The following C12orf42 variants were observed in gnomAD, a reference collection of about 807,000 sequenced individuals.
The protein encoded by C12orf42 is chromosome 12 open reading frame 42.
In C12orf42, 25 loss-of-function variants were observed where a neutral mutation model predicts 21.6. The ratio of observed to expected loss-of-function variants is 1.16; its 90% CI spans 0.84 to 1.62. The LOEUF is 1.62. Among genes scored for constraint, C12orf42 ranks in the 40% most tolerant of loss-of-function variants. The pLI, the probability that C12orf42 is intolerant of heterozygous loss-of-function variation, is 0.00. For synonymous variants in C12orf42, 174 were observed against 175.0 expected (o/e 0.99, Z 0.05); for missense variants, 483 against 459.3 (o/e 1.05, Z -0.47).
the C12orf42 span, among the ~76,000 whole-genome samples, chr12:103,231,727 G>A: frequency 6.6e-6 from 1 of 152,122 alleles, no homozygotes. Flanking sequence ...AAATAACTTG[G>A]ATTCTTCCAA....
chr12:103,417,509 C>A (rs1240127350), intron 2 of C12orf42, among the ~76,000 whole-genome samples: 1 of 152,136 alleles, frequency 6.6e-6, no homozygotes, highest in Non-Finnish European at 1.5e-5. Context: ...CCTTTTCACA[C>A]ACCTCATTGT....
At chr12:103,086,148 C>T in the C12orf42 span, among the ~76,000 whole-genome samples, 51 of 152,082 alleles carry the variant, frequency 3.4e-4, no homozygotes, top group East Asian at 3.9e-4. Flanking sequence ...ATAATTGGAG[C>T]GTTTTTAAGC....
chr12:103,084,317 G>A, the C12orf42 span, among the ~76,000 whole-genome samples: 1 of 152,114 alleles, frequency 6.6e-6, no homozygotes, highest in Non-Finnish European at 1.5e-5. Flanking sequence ...AAGAATTGCT[G>A]CTTTAAAACA....
the C12orf42 span, among the ~76,000 whole-genome samples, chr12:103,103,818 T>C: frequency 2.6e-5 from 4 of 152,010 alleles, no homozygotes; most frequent in Admixed American, 1.3e-4. Flanking sequence ...TTTTTTTTTT[T>C]TCAGACGGAG....
chr12:103,532,632 T>C, the C12orf42 span, among the ~76,000 whole-genome samples: 1 of 149,808 alleles, frequency 6.7e-6, no homozygotes, highest in Non-Finnish European at 1.5e-5. Context: ...TCTATTTTAC[T>C]TTGTTTAATT....
chr12:103,484,304 C>A (rs1157224591), intron 1 of C12orf42, among the ~76,000 whole-genome samples: 1 of 152,208 alleles, frequency 6.6e-6, no homozygotes, highest in Non-Finnish European at 1.5e-5. Flanking sequence ...CCTATTTCTT[C>A]ACATCTTCTC....
At chr12:103,278,637 G>A (rs762382026) in intron 4 of C12orf42, among the ~76,000 whole-genome samples, 5 of 152,240 alleles carry the variant, frequency 3.3e-5, no homozygotes, top group African/African-American at 1.2e-4. Flanking sequence ...ATGTGCTGAC[G>A]TGAAACAGCA....
intron 2 of C12orf42, among the ~76,000 whole-genome samples, chr12:103,463,280 T>C (rs574985133): frequency 6.6e-6 from 1 of 152,250 alleles, no homozygotes; most frequent in East Asian, 1.9e-4. Context: ...AAATAAATAT[T>C]TTATAACTAC....
chr12:103,114,433 G>C, the C12orf42 span, among the ~76,000 whole-genome samples: 1 of 152,054 alleles, frequency 6.6e-6, no homozygotes, highest in African/African-American at 2.4e-5. Flanking sequence ...TATTTTCCTG[G>C]GGATTTGTGA....
chr12:103,335,485 T>C (rs929511449), intron 4 of C12orf42, among the ~76,000 whole-genome samples: 8 of 152,210 alleles, frequency 5.3e-5, no homozygotes, highest in Admixed American at 3.3e-4. Context: ...ATTTAACATA[T>C]ATGGTGCAAG....
chr12:103,175,790 T>C, the C12orf42 span, among the ~76,000 whole-genome samples: 1 of 152,168 alleles, frequency 6.6e-6, no homozygotes, highest in African/African-American at 2.4e-5. Flanking sequence ...TGCTGATCTC[T>C]GGCAAGGTGA....
chr12:103,077,650 A>G, the C12orf42 span, among the ~76,000 whole-genome samples: 3 of 152,128 alleles, frequency 2.0e-5, no homozygotes, highest in Non-Finnish European at 4.4e-5. Flanking sequence ...GGCCTACAGG[A>G]AGCTAATAGA....
intron 4 of C12orf42, among the ~76,000 whole-genome samples, chr12:103,296,205 A>C (rs1021957226): frequency 6.6e-6 from 1 of 151,776 alleles, no homozygotes; most frequent in Non-Finnish European, 1.5e-5. Flanking sequence ...TTCATTTTTT[A>C]TGGCTGCATA....
At chr12:103,089,855 C>T in the C12orf42 span, among the ~76,000 whole-genome samples, 3 of 152,080 alleles carry the variant, frequency 2.0e-5, no homozygotes, top group Non-Finnish European at 4.4e-5. Context: ...AAAAACAAAA[C>T]AGGGCCTGAA....
At chr12:103,379,967 T>C (rs2046026775) in intron 3 of C12orf42, among the ~76,000 whole-genome samples, 1 of 152,200 alleles carries the variant, frequency 6.6e-6, no homozygotes, top group African/African-American at 2.4e-5. Flanking sequence ...CAGCTTAGCA[T>C]TGGTTTGGGC....
At chr12:103,106,308 AT>A in the C12orf42 span, among the ~76,000 whole-genome samples, 5 of 152,134 alleles carry the variant, frequency 3.3e-5, no homozygotes, top group African/African-American at 1.2e-4. Context: ...AAATTACTAA[AT>A]GATGTGCTTG....
At chr12:103,108,640 A>G in the C12orf42 span, among the ~76,000 whole-genome samples, 1 of 152,168 alleles carries the variant, frequency 6.6e-6, no homozygotes, top group Non-Finnish European at 1.5e-5. Context: ...CTCAAACTGT[A>G]AGTAAACATA....
At chr12:103,434,143 C>T (rs536585594) in intron 2 of C12orf42, among the ~76,000 whole-genome samples, 24 of 152,282 alleles carry the variant, frequency 1.6e-4, no homozygotes, top group African/African-American at 5.5e-4. Flanking sequence ...CTTGAAACTC[C>T]TACTCTGACT....
intron 6 of C12orf42, chr12:103,269,042 G>A (rs1367084241): frequency 1.3e-5 from 2 of 152,076 alleles, no homozygotes; most frequent in Admixed American, 1.3e-4. Flanking sequence ...GAACTGTGAG[G>A]GAGAGTAACC....
Sources: allele counts gnomAD v4.1 joint callset (sites outside exome capture counted in the v4.1 genomes callset), GRCh38; gene constraint gnomAD v4.1.1; transcripts MANE v1.5; gene names NCBI Gene and HGNC (gene_info 2026-07-23, HGNC 2026-07-21).